The following ZNF664 variants were observed in gnomAD, a reference collection of about 807,000 sequenced individuals.
The protein encoded by ZNF664 is zinc finger Organ of Corti 1.
Under a neutral mutation model 18.2 loss-of-function variants are expected in ZNF664, and 10 were observed. The ratio of observed to expected loss-of-function variants is 0.55; its 90% CI spans 0.34 to 0.93. ZNF664 has a LOEUF of 0.93. ZNF664 is among the 40% of genes least tolerant of loss of function. The pLI is 0.02. For missense variants in ZNF664, 193 were observed against 319.0 expected, an observed-to-expected ratio of 0.61 and a Z score of 3.01; for synonymous variants, 119 against 104.2, an observed-to-expected ratio of 1.14 and a Z score of -0.86.
chr12:123,975,384 G>A (rs1339621785), intron 2 of ZNF664, among the ~76,000 whole-genome samples: 3 of 150,236 alleles, frequency 2.0e-5, no homozygotes, highest in African/African-American at 7.4e-5. Context: ...ATTTTGCAAA[G>A]CATTTTTTCC....
At chr12:123,986,797 T>A (rs1379622760) in intron 2 of ZNF664, among the ~76,000 whole-genome samples, 8 of 152,190 alleles carry the variant, frequency 5.3e-5, no homozygotes, top group Non-Finnish European at 1.0e-4. Flanking sequence ...GGCACCATGA[T>A]TGGCATGTAT....
At chr12:123,997,716 GT>G (rs1312908062) in intron 3 of ZNF664, 1 of 152,112 alleles carries the variant, frequency 6.6e-6, no homozygotes, top group Non-Finnish European at 1.5e-5. Flanking sequence ...ACATCCTGAG[GT>G]TCTGGATGGA....
At chr12:124,001,509 G>A (rs1407249599) in intron 3 of ZNF664, among the ~76,000 whole-genome samples, 1 of 152,060 alleles carries the variant, frequency 6.6e-6, no homozygotes, top group Admixed American at 6.5e-5. Flanking sequence ...CCCTCACCAT[G>A]GTCCTCCACG....
intron 2 of ZNF664, among the ~76,000 whole-genome samples, chr12:123,984,236 T>C (rs1002588525): frequency 6.6e-6 from 1 of 152,168 alleles, no homozygotes; most frequent in Non-Finnish European, 1.5e-5. Flanking sequence ...ACTGGGTTTA[T>C]GCAGTGAGTG....
In ZNF664 at chr12:124,011,892, C is replaced by A. The variant is rs1272329456; in HGVS notation, c.-253C>A. On this transcript the variant is annotated 5_prime_UTR_variant, in exon 5 of 5. An upstream open reading frame in the 5' UTR gains an earlier in-frame stop. Coordinates refer to ENST00000337815, the MANE Select transcript of ZNF664 (RefSeq NM_152437.3). ...AACAAAGTTCTGTGTTAATGAGTTA[C>A]AGAATTCACGTGGAAGTCAATGTCA... 1.6e-6 allele frequency: 2 copies of A among 1,281,428 alleles called. No individual in the cohort carries two copies. Among genetic ancestry groups the A allele is most frequent in the Non-Finnish European group, 2.0e-6 (2 of 1,018,516 alleles). The allele number at this position is 1,281,428 out of a possible 1,614,324, so 79.4% of individuals were successfully genotyped here.
At chr12:124,002,058 A>G (rs1957018718) in intron 3 of ZNF664, among the ~76,000 whole-genome samples, 1 of 152,228 alleles carries the variant, frequency 6.6e-6, no homozygotes, top group Non-Finnish European at 1.5e-5. Flanking sequence ...ATTAAGCAGA[A>G]AGAGGTGGTC....
At chr12:123,985,015 G>C (rs989896926) in intron 2 of ZNF664, among the ~76,000 whole-genome samples, 3 of 152,080 alleles carry the variant, frequency 2.0e-5, no homozygotes, top group African/African-American at 7.2e-5. Context: ...GGTGAGGCAG[G>C]AGGAACGGCC....
At chr12:123,980,886 A>G (rs958715322) in intron 2 of ZNF664, among the ~76,000 whole-genome samples, 2 of 152,210 alleles carry the variant, frequency 1.3e-5, no homozygotes, top group African/African-American at 4.8e-5. Context: ...TGATTTAACA[A>G]AGTATATCTG....
chr12:123,979,780 A>G (rs761053681), intron 2 of ZNF664, among the ~76,000 whole-genome samples: 7 of 152,106 alleles, frequency 4.6e-5, no homozygotes, highest in Non-Finnish European at 8.8e-5. Context: ...CCTGGGCTCA[A>G]GTGATCTGCC....
chr12:124,013,027 A>G lies in ZNF664; in HGVS notation c.*97A>G, dbSNP rs1957151041. 1.7e-5 allele frequency: 23 copies of G among 1,391,096 alleles called. No homozygotes were observed. The highest frequency in any genetic ancestry group is 2.0e-5 in the Non-Finnish European group (21 of 1,036,186). The allele number at this position is 1,391,096 out of a possible 1,614,324, so 86.2% of individuals were successfully genotyped here. ...CATTGACCCAAGAAATATTTACGCA[A>G]TCCCTAGCAGAACATTGTTTCTGAG... On this transcript the variant is annotated 3_prime_UTR_variant, in exon 5 of 5. Transcript: ENST00000337815.
chr12:123,978,983 A>C (rs1956728824), intron 2 of ZNF664, among the ~76,000 whole-genome samples: 1 of 152,242 alleles, frequency 6.6e-6, no homozygotes, highest in Non-Finnish European at 1.5e-5. Context: ...CATTCAAAAT[A>C]ACTTAGATGG....
At chr12:123,982,202 C>G (rs1956772927) in intron 2 of ZNF664, among the ~76,000 whole-genome samples, 1 of 152,182 alleles carries the variant, frequency 6.6e-6, no homozygotes, top group Non-Finnish European at 1.5e-5. Context: ...GAGTGCCCAC[C>G]TGGCTGTTAA....
At chr12:123,994,119 TTTTC>T (rs1405900628) in intron 3 of ZNF664, among the ~76,000 whole-genome samples, 1 of 152,126 alleles carries the variant, frequency 6.6e-6, no homozygotes, top group East Asian at 1.9e-4. Flanking sequence ...TGGGGGGCGT[TTTTC>T]TTATATCTAG....
Position 123,974,018 on chromosome 12 carries a change from C to T in ZNF664, c.-759C>T. On this transcript the variant is annotated splice_region_variant and 5_prime_UTR_variant, in exon 2 of 5. Transcript: ENST00000337815. ...CCACAACAAGGGCCGGATTCTCACCCAGGTAAACCGGCTGCCGGCGCTGTC... is the reference window on the plus strand; with the variant it reads ...CCACAACAAGGGCCGGATTCTCACCTAGGTAAACCGGCTGCCGGCGCTGTC... 8.1e-7 allele frequency: 1 copy of T among 1,231,920 alleles called. No homozygotes were observed. Among genetic ancestry groups the T allele is most frequent in the African/African-American group, 1.5e-5 (1 of 64,558 alleles). The allele number at this position is 1,231,920 out of a possible 1,614,324, so 76.3% of individuals were successfully genotyped here.
chr12:123,974,168 G>T (rs1302424687), intron 2 of ZNF664, 148 bp downstream of exon 2: 1 of 492,570 alleles, frequency 2.0e-6, no homozygotes. Flanking sequence ...TTCCCGTCCG[G>T]ATCCATCTCT....
chr12:124,012,818 A>G lies in ZNF664; in HGVS notation c.674A>G (p.Lys225Arg). 1.2e-6 allele frequency: 2 copies of G among 1,614,126 alleles called. No individual in the cohort carries two copies. Among genetic ancestry groups the G allele is most frequent in the East Asian group, 2.2e-5 (1 of 44,866 alleles). ...CACCAGAGAGTCCACACAGGAGAGA[A>G]ACCTTTCAAATGTGATGAGTGCGGA... ...CIHQRVHTGE[K>R]PFKCDECGKA... The change falls in exon 5 of 5, where the codon AAA becomes AGA. Residue 225 changes from lysine (K) to arginine (R), a missense_variant. Lys to Arg is a conservative substitution (Grantham distance 26, BLOSUM62 2). Coordinates refer to ENST00000337815, the MANE Select transcript of ZNF664 (RefSeq NM_152437.3).
intron 2 of ZNF664, among the ~76,000 whole-genome samples, chr12:123,987,569 A>T (rs1262719231): frequency 6.6e-6 from 1 of 152,202 alleles, no homozygotes; most frequent in Admixed American, 6.5e-5. Context: ...GGTGAAGGTT[A>T]CACAGCAGGT....
intron 2 of ZNF664, among the ~76,000 whole-genome samples, chr12:123,974,728 T>C (rs142171502): frequency 6.6e-6 from 1 of 152,346 alleles, no homozygotes; most frequent in Non-Finnish European, 1.5e-5. Flanking sequence ...TTTGACTGCT[T>C]TAACAAGGAC....
chr12:123,989,555 A>G (rs545419124), intron 3 of ZNF664: 1 of 152,276 alleles, frequency 6.6e-6, no homozygotes, highest in East Asian at 1.9e-4. Flanking sequence ...TCTCCATGTG[A>G]TCCAGCCTAC....
Sources: gnomAD v4.1 joint callset for allele counts (sites outside exome capture counted in the v4.1 genomes callset) on GRCh38, gnomAD v4.1.1 for gene constraint, MANE v1.5 for transcripts, NCBI Gene and HGNC (gene_info 2026-07-23, HGNC 2026-07-21) for gene names.